MEGF8: variants seen among roughly 807,000 people sequenced by gnomAD.
MEGF8 encodes multiple EGF like domains 8.
A neutral mutation model predicts 302.9 loss-of-function variants in MEGF8; 156 were observed. The ratio of observed to expected loss-of-function variants is 0.52; its 90% CI spans 0.45 to 0.59. The LOEUF (loss-of-function observed/expected upper bound fraction) is 0.59. MEGF8 is among the 20% of genes least tolerant of loss of function. MEGF8 has a pLI of 0.00. For synonymous variants in MEGF8, 1,621 were observed against 1,660.5 expected, an observed-to-expected ratio of 0.98 and a Z score of 0.58; for missense variants, 3,345 against 3,964.5, an observed-to-expected ratio of 0.84 and a Z score of 4.20.
In MEGF8 at chr19:42,375,011, A is replaced by C. The variant is rs1007224490; in HGVS notation, c.7270-496A>C. The stretch of plus-strand genomic sequence containing the variant: ...CCCAGGGTGGGAGGGCGCCTGGCAC[A>C]GTATAGAAGAAGCATCCAGGCAGGC... On this transcript the variant is annotated intron_variant, in intron 41 of 41. Coordinates refer to ENST00000251268, the MANE Select transcript of MEGF8 (RefSeq NM_001271938.2). This position sits in a 1 kb window ranked among gnomAD's most constrained non-coding sequence, Gnocchi z 7.1. Among the ~76,000 whole-genome samples the C allele has an allele frequency of 2.0e-5, 3 of 152,204 alleles. No homozygotes were observed. The highest frequency in any genetic ancestry group is 4.4e-5 in the Non-Finnish European group (3 of 68,028).
rs1600060450 is a variant in MEGF8 at position 42,358,873 on chromosome 19, A to G, written c.5262A>G (p.Glu1754=). 3 of 1,611,074 alleles carry G rather than the reference A, an allele frequency of 1.9e-6. No individual in the cohort carries two copies. The highest frequency in any genetic ancestry group is 2.7e-5 in the African/African-American group (2 of 74,842). ...GEQPGSWGFR[E]VRKKMALWAA... The stretch of plus-strand genomic sequence containing the variant: ...AGCCTGGGTCATGGGGGTTCCGGGA[A>G]GTCAGGAAGAAGATGGCTCTGTGGG... The change falls in exon 30 of 42, where the codon GAA becomes GAG. Residue 1754 remains glutamate (E), a synonymous_variant. Transcript: ENST00000251268. The surrounding 1 kb of genome is among the most constrained non-coding windows in gnomAD (Gnocchi z 4.4).
chr19:42,344,097 T>G lies in MEGF8; in HGVS notation c.1788+24T>G, dbSNP rs2039252959. ...CTGTGAGTGACAGCCCTAGACCCTC[T>G]GTTCCCTAGCATAGAGACCTGCCCT... On this transcript the variant is annotated intron_variant, in intron 10 of 41. Transcript: ENST00000251268. The surrounding 1 kb of genome is among the most constrained non-coding windows in gnomAD (Gnocchi z 4.5). 6.2e-7 allele frequency: 1 copy of G among 1,610,918 alleles called. No homozygotes were observed. The highest frequency in any genetic ancestry group is 8.5e-7 in the Non-Finnish European group (1 of 1,179,026).
chr19:42,375,995 GC>G lies in MEGF8; in HGVS notation c.7759del (p.Leu2587TrpfsTer103). The G allele has an allele frequency of 6.2e-7, 1 of 1,607,080 alleles. No individual in the cohort carries two copies. The highest frequency in any genetic ancestry group is 8.5e-7 in the Non-Finnish European group (1 of 1,178,148). On this transcript the variant is annotated frameshift_variant, in exon 42 of 42. Transcript: ENST00000251268. LOFTEE classifies it high-confidence loss of function. This position sits in a 1 kb window ranked among gnomAD's most constrained non-coding sequence, Gnocchi z 7.1. ...YVTVTEPSAV[L>X]VVRGVRDRLV... ...TGACGGTGACGGAGCCGTCGGCAGT[GC>G]TGGTGGTCCGCGGCGTGCGGGACCG...
intron 8 of MEGF8, among the ~76,000 whole-genome samples, chr19:42,338,996 G>C (rs1410595287): frequency 1.3e-5 from 2 of 151,602 alleles, no homozygotes; most frequent in African/African-American, 4.8e-5. Context: ...ACCACAGCCG[G>C]CTAATTTTTG....
chr19:42,373,706 G>GTTT lies in MEGF8; in HGVS notation c.7270-1778_7270-1776dup, dbSNP rs750576656. 1.1e-3 allele frequency among the ~76,000 whole-genome samples: 110 copies of GTTT among 100,952 alleles called. 1 individual carries two copies. The highest frequency in any genetic ancestry group is 2.1e-3 in the African/African-American group (57 of 27,112). The allele number at this position is 100,952 out of a possible 152,430, so 66.2% of individuals were successfully genotyped here. On this transcript the variant is annotated intron_variant, in intron 41 of 41. Transcript: ENST00000251268. ...CCACCGTGCCTGGTTGGGCTTTTGG[G>GTTT]TTTTTTTTTTTTTTTTTTTTTTTTT...
At position 42,360,964 on chromosome 19, in the gene MEGF8, C is replaced by T. The variant is rs1331269212; in HGVS notation, c.5678C>T (p.Thr1893Ile). ...PEACNQSGAC[T>I]WCHGACLSGD... ...GCTTGTAACCAGTCTGGGGCCTGCA[C>T]CTGGTGCCATGGGGCCTGCTTGTCC... is the stretch of plus-strand genomic sequence containing the variant. The change falls in exon 32 of 42, where the codon ACC becomes ATC. Residue 1893 changes from threonine to isoleucine, a missense_variant. By Grantham distance (89) the Thr-to-Ile change is moderately conservative (BLOSUM62 -1). Transcript: ENST00000251268. 1.9e-6 allele frequency: 3 copies of T among 1,583,494 alleles called. No homozygotes were observed. The highest frequency in any genetic ancestry group is 2.7e-5 in the African/African-American group (2 of 74,076).
At chr19:42,334,924 C>A in intron 3 of MEGF8, 111 bp from the exon 4 acceptor site, 1 of 1,059,382 alleles carries the variant, frequency 9.4e-7, no homozygotes, top group Non-Finnish European at 1.3e-6. Context: ...TTCTCTCTCC[C>A]TTTGTGCCCT....
intron 12 of MEGF8, among the ~76,000 whole-genome samples, chr19:42,345,259 G>C (rs867289523): frequency 2.6e-5 from 4 of 152,140 alleles, no homozygotes; most frequent in African/African-American, 4.8e-5. Context: ...GGCATGAGCC[G>C]CTGTGCCTGG....
At chr19:42,327,558 G>A (rs1373366204) in intron 1 of MEGF8, among the ~76,000 whole-genome samples, 1 of 152,232 alleles carries the variant, frequency 6.6e-6, no homozygotes, top group Admixed American at 6.5e-5. Flanking sequence ...GTCAGTGGGA[G>A]AGACAAACCC....
chr19:42,370,093 TC>T, intron 38 of MEGF8, 95 bp from the exon 39 acceptor site: 1 of 1,359,410 alleles, frequency 7.4e-7, no homozygotes, highest in Non-Finnish European at 1.0e-6. Context: ...TCTGCTGCCC[TC>T]CCGTGGGCTC....
At position 42,356,736 on chromosome 19, in the gene MEGF8, G is replaced by T; in HGVS notation, c.4623-38G>T. ...GGGTCACCTTGAAGGATGCTGGGAT[G>T]ACTGTAATGAGGCTGCTTTTTTGCA... On this transcript the variant is annotated intron_variant, in intron 26 of 41. Coordinates refer to ENST00000251268, the MANE Select transcript of MEGF8 (RefSeq NM_001271938.2). The surrounding 1 kb of genome is among the most constrained non-coding windows in gnomAD (Gnocchi z 5.2). 6.6e-7 allele frequency: 1 copy of T among 1,516,814 alleles called. No individual in the cohort carries two copies. The highest frequency in any genetic ancestry group is 1.3e-5 in the South Asian group (1 of 79,134). 94.0% of individuals were successfully genotyped at this position (1,516,814 alleles called of 1,614,324 possible). A position where few individuals can be genotyped will look rare whatever the true frequency, so the allele number is the denominator to read the frequency against.
In MEGF8 at chr19:42,375,676, T is replaced by G; in HGVS notation, c.7439T>G (p.Val2480Gly). The G allele has an allele frequency of 6.2e-7, 1 of 1,610,758 alleles. No homozygotes were observed. The highest frequency in any genetic ancestry group is 8.5e-7 in the Non-Finnish European group (1 of 1,178,948). ...CCCGGCCGCACTGTCCTCTTTGGCGTGCAGCCCAAATTCACCAACGTGGAC... is the reference window on the plus strand; with the variant it reads ...CCCGGCCGCACTGTCCTCTTTGGCGGGCAGCCCAAATTCACCAACGTGGAC... ...LGPGRTVLFG[V>G]QPKFTNVDIR... Residue 2480 changes from valine to glycine, a missense_variant, in exon 42 of 42, where the codon GTG becomes GGG. Transcript: ENST00000251268. The surrounding 1 kb of genome is among the most constrained non-coding windows in gnomAD (Gnocchi z 7.1).
In MEGF8 at chr19:42,357,599, C is replaced by T. The variant is rs78233194; in HGVS notation, c.5011+15C>T. On this transcript the variant is annotated intron_variant, in intron 28 of 41. Transcript: ENST00000251268. The surrounding 1 kb of genome is among the most constrained non-coding windows in gnomAD (Gnocchi z 5.2). ...ACCCCCCACAGGTGGGGCTGGGGAC[C>T]GGGAGGGGACAGCCCCCGTGGACCT... The T allele has an allele frequency of 1.4e-3, 2,148 of 1,575,590 alleles. 36 individuals are homozygous for T. In the African/African-American group the frequency reaches 0.025, roughly 18 times the overall value.
intron 35 of MEGF8, 111 bp downstream of exon 35, chr19:42,363,373 C>CT: frequency 1.1e-6 from 1 of 914,880 alleles, no homozygotes; most frequent in South Asian, 1.6e-5. Context: ...CTCCTTCCAT[C>CT]TCCCTGGCTC....
rs141383715 is a variant in MEGF8, at chr19:42,351,670, C to T, written c.3010C>T (p.Arg1004Trp). 1,874 of 1,590,272 alleles carry T rather than the reference C, an allele frequency of 1.2e-3. 1 individual carries two copies. The highest frequency in any genetic ancestry group is 1.5e-3 in the Non-Finnish European group (1,755 of 1,169,188). ...CAGTGTACACTCGGAGCCACGGTGCCGGAGCTGCGATGGCTTCCTGACCTG... is the reference window on the plus strand; with the variant it reads ...CAGTGTACACTCGGAGCCACGGTGCTGGAGCTGCGATGGCTTCCTGACCTG... Reference protein sequence around the residue: ...DDSVHSEPRCRSCDGFLTCHE... With the variant: ...DDSVHSEPRCWSCDGFLTCHE... Residue 1004 changes from arginine (R) to tryptophan (W), a missense_variant, in exon 18 of 42, where the codon CGG becomes TGG. Arg to Trp is a moderately radical substitution (Grantham distance 101). Coordinates refer to ENST00000251268, the MANE Select transcript of MEGF8 (RefSeq NM_001271938.2). The surrounding 1 kb of genome is among the most constrained non-coding windows in gnomAD (Gnocchi z 5.6).
Position 42,368,536 on chromosome 19 carries a change from C to T in MEGF8, c.6355C>T (p.Leu2119=). 12 of 1,604,760 alleles carry T rather than the reference C, an allele frequency of 7.5e-6. No individual in the cohort carries two copies. Among genetic ancestry groups the T allele is most frequent in the Non-Finnish European group, 1.0e-5 (12 of 1,176,470 alleles). Reference sequence around the variant, plus strand: ...GCTCCGGGGACCTGAGAGCTGCTCCCTGGGCTGTGCTCAGGCAACTCAGTG... The same window carrying T: ...GCTCCGGGGACCTGAGAGCTGCTCCTTGGGCTGTGCTCAGGCAACTCAGTG... ...RLLRGPESCS[L]GCAQATQCAL... is the part of the protein sequence containing the mutation. The change falls in exon 36 of 42, where the codon CTG becomes TTG. Residue 2119 remains leucine, a synonymous_variant. Coordinates refer to ENST00000251268, the MANE Select transcript of MEGF8 (RefSeq NM_001271938.2). The surrounding 1 kb of genome is among the most constrained non-coding windows in gnomAD (Gnocchi z 4.9).
At chr19:42,346,649 C>G (rs769099075) in intron 12 of MEGF8, among the ~76,000 whole-genome samples, 1 of 150,314 alleles carries the variant, frequency 6.7e-6, no homozygotes, top group Non-Finnish European at 1.5e-5. Flanking sequence ...TGCATTGCAG[C>G]CTGGGCAACA....
chr19:42,368,555 C>G lies in MEGF8; in HGVS notation c.6374C>G (p.Thr2125Ser). Residue 2125 changes from threonine (T) to serine (S), a missense_variant, in exon 36 of 42, where the codon ACT (threonine) becomes AGT (serine). Thr to Ser is a moderately conservative substitution (Grantham distance 58, BLOSUM62 1). Transcript: ENST00000251268. The surrounding 1 kb of genome is among the most constrained non-coding windows in gnomAD (Gnocchi z 4.9). ...TGCTCCCTGGGCTGTGCTCAGGCAACTCAGTGCGCCTTGTGCCTGCGGCGC... is the reference window on the plus strand; with the variant it reads ...TGCTCCCTGGGCTGTGCTCAGGCAAGTCAGTGCGCCTTGTGCCTGCGGCGC... Reference protein sequence around the residue: ...ESCSLGCAQATQCALCLRRPH... With the variant: ...ESCSLGCAQASQCALCLRRPH... The G allele has an allele frequency of 6.3e-7, 1 of 1,598,510 alleles. No individual in the cohort carries two copies. Among genetic ancestry groups the G allele is most frequent in the Non-Finnish European group, 8.5e-7 (1 of 1,173,322 alleles).
rs369869576 is a variant in MEGF8 at position 42,327,640 on chromosome 19, GCT to G, written c.187+1213_187+1214del. Among the ~76,000 whole-genome samples, 51 of 152,352 alleles carry G rather than the reference GCT, an allele frequency of 3.3e-4. 1 individual carries two copies. The South Asian group carries it at 0.01, about 31-fold the overall frequency. On this transcript the variant is annotated intron_variant, in intron 1 of 41. Transcript: ENST00000251268. ...CATGCCTCAGAACCCTGCCCCAGTG[GCT>G]CTTTCTCTGTGAAGACATGTGGCTT...
Sources: gnomAD v4.1 joint callset for allele counts (sites outside exome capture counted in the v4.1 genomes callset) on GRCh38, gnomAD v4.1.1 for gene constraint, Gnocchi (gnomAD v3.1) non-coding constraint, MANE v1.5 for transcripts, NCBI Gene and HGNC (gene_info 2026-07-23, HGNC 2026-07-21) for gene names.